FBXO4: variants seen among roughly 807,000 people sequenced by gnomAD.
The protein encoded by FBXO4 is F-box only protein 4.
FBXO4 carries 36 observed loss-of-function variants against 43.7 expected under a neutral mutation model. The ratio of observed to expected loss-of-function variants is 0.82; its 90% confidence interval spans 0.63 to 1.09. FBXO4 has a LOEUF of 1.09. Ranked by LOEUF, FBXO4 falls within the 50% of genes least tolerant of loss-of-function variation. The pLI is 0.00. For missense variants in FBXO4, 435 were observed against 474.1 expected (o/e 0.92, Z 0.77); for synonymous variants, 180 against 165.6 (o/e 1.09, Z -0.67).
chr5:41,981,619 T>C, the FBXO4 span, among the ~76,000 whole-genome samples: 3 of 152,022 alleles, frequency 2.0e-5, no homozygotes, highest in Non-Finnish European at 4.4e-5. Flanking sequence ...AGAAATCTTT[T>C]CTACCAGCAG....
chr5:42,032,272 A>G, the FBXO4 span, among the ~76,000 whole-genome samples: 2 of 152,082 alleles, frequency 1.3e-5, no homozygotes, highest in African/African-American at 2.4e-5. Context: ...GGGCTCTACA[A>G]TAAGCAGATC....
At chr5:41,925,531 G>A (rs2231918) in intron 1 of FBXO4, 33 bp downstream of exon 1, 3 of 1,294,402 alleles carry the variant, frequency 2.3e-6, no homozygotes, top group Non-Finnish European at 9.9e-7. Context: ...GGAGGACAGT[G>A]GGGCCGGCCC....
the FBXO4 span, among the ~76,000 whole-genome samples, chr5:42,022,009 T>A: frequency 0.016 from 2,438 of 152,268 alleles, 122 homozygotes; most frequent in East Asian, 0.1. Flanking sequence ...ATTTGGTTTC[T>A]TTCATGGTCT....
At chr5:41,946,127 T>C (rs1490497510), downstream of FBXO4, among the ~76,000 whole-genome samples, 1 of 152,202 alleles carries the variant, frequency 6.6e-6, no homozygotes, top group Non-Finnish European at 1.5e-5. Flanking sequence ...CAGTGCATTG[T>C]TGGCACCATG....
At chr5:42,036,011 C>G in the FBXO4 span, among the ~76,000 whole-genome samples, 1 of 152,164 alleles carries the variant, frequency 6.6e-6, no homozygotes, top group Middle Eastern at 3.4e-3. Flanking sequence ...AATGTCAACA[C>G]AGTGAAAAAG....
the FBXO4 span, among the ~76,000 whole-genome samples, chr5:42,003,882 C>T: frequency 4.6e-5 from 7 of 152,008 alleles, no homozygotes; most frequent in Admixed American, 4.6e-4. Context: ...TGGGTATATA[C>T]CCAAAGAATT....
chr5:42,003,101 G>T, the FBXO4 span, among the ~76,000 whole-genome samples: 114 of 152,256 alleles, frequency 7.5e-4, no homozygotes, highest in African/African-American at 2.6e-3. Flanking sequence ...CCCTCAGAAC[G>T]ATTTAACGAG....
intron 3 of FBXO4, among the ~76,000 whole-genome samples, chr5:41,931,379 C>T (rs1437887264): frequency 6.6e-6 from 1 of 152,180 alleles, no homozygotes; most frequent in African/African-American, 2.4e-5. Flanking sequence ...ATAGAGGATT[C>T]ACTAGGGTAA....
chr5:41,983,512 A>T, the FBXO4 span, among the ~76,000 whole-genome samples: 1 of 152,172 alleles, frequency 6.6e-6, no homozygotes, highest in Non-Finnish European at 1.5e-5. Context: ...TGTGAGAGTC[A>T]TCATTTTATT....
At chr5:41,942,295 A>G (rs1490273191), downstream of FBXO4, among the ~76,000 whole-genome samples, 2 of 152,082 alleles carry the variant, frequency 1.3e-5, no homozygotes, top group African/African-American at 4.8e-5. Flanking sequence ...ATGTTTACTT[A>G]GATATTTGTA....
At chr5:41,995,123 A>G in the FBXO4 span, among the ~76,000 whole-genome samples, 1 of 152,208 alleles carries the variant, frequency 6.6e-6, no homozygotes, top group Admixed American at 6.5e-5. Flanking sequence ...GAACATGGTA[A>G]GACCAGTGAA....
At chr5:41,964,016 T>C in the FBXO4 span, 1 of 152,188 alleles carries the variant, frequency 6.6e-6, no homozygotes, top group African/African-American at 2.4e-5. Context: ...AAGGCAATAT[T>C]ACACAAGCAA....
At chr5:41,958,519 C>T in the FBXO4 span, among the ~76,000 whole-genome samples, 5 of 152,240 alleles carry the variant, frequency 3.3e-5, no homozygotes, top group Admixed American at 2.6e-4. Flanking sequence ...CTTGTCTAAC[C>T]GAAATTTTGT....
chr5:41,944,456 G>A (rs187832259), downstream of FBXO4, among the ~76,000 whole-genome samples: 1 of 152,240 alleles, frequency 6.6e-6, no homozygotes. Flanking sequence ...AACTTTCTCA[G>A]CCTGTTTGTT....
chr5:41,972,692 A>ATACT, the FBXO4 span, among the ~76,000 whole-genome samples: 1 of 152,198 alleles, frequency 6.6e-6, no homozygotes, highest in Non-Finnish European at 1.5e-5. Context: ...AGACTACAGT[A>ATACT]ACCAAAACAG....
chr5:41,998,607 C>T, the FBXO4 span, among the ~76,000 whole-genome samples: 1 of 152,256 alleles, frequency 6.6e-6, no homozygotes, highest in African/African-American at 2.4e-5. Context: ...CTTAGTGGGC[C>T]CAAATCAGTA....
chr5:41,982,306 A>T, the FBXO4 span, among the ~76,000 whole-genome samples: 2 of 152,100 alleles, frequency 1.3e-5, no homozygotes, highest in African/African-American at 4.8e-5. Context: ...CTAGTTCTAG[A>T]TCCCTGAGGA....
downstream of FBXO4, among the ~76,000 whole-genome samples, chr5:41,944,410 T>G (rs540043275): frequency 1.2e-4 from 19 of 152,346 alleles, no homozygotes; most frequent in South Asian, 4.1e-4. Context: ...GGATAAGGCC[T>G]AAAATTTCTA....
chr5:42,031,631 A>G, the FBXO4 span, among the ~76,000 whole-genome samples: 14 of 152,176 alleles, frequency 9.2e-5, no homozygotes, highest in Non-Finnish European at 1.6e-4. Flanking sequence ...TAAAAAAACA[A>G]ACAAACAAAA....
Sources: gnomAD v4.1 joint callset for allele counts (sites outside exome capture counted in the v4.1 genomes callset) on GRCh38, gnomAD v4.1.1 for gene constraint, MANE v1.5 for transcripts, NCBI Gene and HGNC (gene_info 2026-07-23, HGNC 2026-07-21) for gene names.